ZNF487: variants seen among roughly 807,000 people sequenced by gnomAD.
ZNF487 encodes the protein KRAB domain only 1.
In ZNF487, 4 loss-of-function variants were observed where a neutral mutation model predicts 3.0. That is an observed-to-expected ratio of 1.35 (90% CI 0.66 to 3.08). ZNF487 has a LOEUF of 3.08. Among genes scored for constraint, ZNF487 ranks in the 30% most tolerant of loss-of-function variants. The probability of loss-of-function intolerance (pLI) is 0.01; values close to 1 mark genes in which losing one functional copy is unlikely to be tolerated. For synonymous variants in ZNF487, 55 were observed against 34.6 expected (o/e 1.59, Z -2.06); for missense variants, 146 against 98.7 (o/e 1.48, Z -2.03).
At chr10:43,496,140 TG>T in the ZNF487 span, 2 of 525,262 alleles carry the variant, frequency 3.8e-6, no homozygotes. Flanking sequence ...CTCATCTCAG[TG>T]GGTAAGGATT....
chr10:43,480,049 C>T (rs1185126503), intron 3 of ZNF487, among the ~76,000 whole-genome samples: 1 of 122,822 alleles, frequency 8.1e-6, no homozygotes, highest in African/African-American at 3.0e-5. Flanking sequence ...CTTTCTTTTT[C>T]TTTCTTTCTT....
the ZNF487 span, among the ~76,000 whole-genome samples, chr10:43,508,612 C>T: frequency 0.026 from 4,009 of 151,740 alleles, 75 homozygotes; most frequent in Non-Finnish European, 0.038. Context: ...AGTTTGAGAC[C>T]AGCCTGGCCA....
chr10:43,479,606 C>A (rs1029351698), intron 3 of ZNF487, among the ~76,000 whole-genome samples: 1 of 151,944 alleles, frequency 6.6e-6, no homozygotes, highest in Non-Finnish European at 1.5e-5. Flanking sequence ...CCTGGAGAAA[C>A]CTTATTTGTA....
At chr10:43,510,678 GC>G in the ZNF487 span, among the ~76,000 whole-genome samples, 1 of 152,140 alleles carries the variant, frequency 6.6e-6, no homozygotes, top group African/African-American at 2.4e-5. Context: ...CTCCTGAGTA[GC>G]TGGGATTACA....
chr10:43,447,029 CAAAA>C (rs1344533792), intron 1 of ZNF487, among the ~76,000 whole-genome samples: 2 of 147,312 alleles, frequency 1.4e-5, no homozygotes, highest in African/African-American at 5.0e-5. Flanking sequence ...CCGTCTCCAC[CAAAA>C]AAAAAACCAG....
the ZNF487 span, among the ~76,000 whole-genome samples, chr10:43,504,717 GTTGTTGTTT>G: frequency 1.2e-5 from 1 of 82,476 alleles, no homozygotes; most frequent in African/African-American, 3.2e-5. Flanking sequence ...TGTTGTTGTT[GTTGTTGTTT>G]TTTTTTTGGA....
chr10:43,481,935 T>C lies in ZNF487; in HGVS notation c.*13T>C, dbSNP rs931802598. On this transcript the variant is annotated 3_prime_UTR_variant, in exon 4 of 4. Coordinates refer to ENST00000437590, the MANE Select transcript of ZNF487 (RefSeq NM_001355444.3). ...GGAGACCCTGTGAATATAATGAACA[T>C]GTGAGAGCCTTTTCCGATAGACCAA... 1 of 635,778 alleles carries C rather than the reference T, an allele frequency of 1.6e-6. No individual in the cohort carries two copies. The highest frequency in any genetic ancestry group is 1.8e-5 in the African/African-American group (1 of 54,688). 39.4% of individuals were successfully genotyped at this position (635,778 alleles called of 1,614,324 possible). A position where few individuals can be genotyped will look rare whatever the true frequency, so the allele number is the denominator to read the frequency against.
At chr10:43,437,551 C>T (rs1323294089) in intron 1 of ZNF487, among the ~76,000 whole-genome samples, 1 of 152,068 alleles carries the variant, frequency 6.6e-6, no homozygotes, top group African/African-American at 2.4e-5. Flanking sequence ...ACCTAGGAGG[C>T]ATGAGAGGTC....
intron 1 of ZNF487, among the ~76,000 whole-genome samples, chr10:43,460,496 C>T (rs946815246): frequency 2.0e-5 from 3 of 150,810 alleles, no homozygotes; most frequent in African/African-American, 4.9e-5. Flanking sequence ...ATACCTCAGC[C>T]TCCTGAGTAG....
At chr10:43,477,887 T>C (rs1457199576) in intron 3 of ZNF487, among the ~76,000 whole-genome samples, 3 of 151,396 alleles carry the variant, frequency 2.0e-5, no homozygotes, top group Non-Finnish European at 2.9e-5. Context: ...GCAGCAGACG[T>C]TGGAGTGAGC....
At chr10:43,494,838 G>A in the ZNF487 span, among the ~76,000 whole-genome samples, 1 of 147,850 alleles carries the variant, frequency 6.8e-6, no homozygotes, top group Non-Finnish European at 1.5e-5. Context: ...TCAGGAGGCT[G>A]AGGCAGGAGA....
At chr10:43,465,333 C>T (rs1174267811) in intron 1 of ZNF487, among the ~76,000 whole-genome samples, 3 of 151,248 alleles carry the variant, frequency 2.0e-5, no homozygotes, top group South Asian at 2.1e-4. Flanking sequence ...CGGGCGGAGA[C>T]GCTCCTCACT....
chr10:43,437,878 CAG>C (rs749627582), intron 1 of ZNF487, among the ~76,000 whole-genome samples: 12 of 151,632 alleles, frequency 7.9e-5, no homozygotes, highest in South Asian at 2.1e-4. Context: ...TAAATAGAAA[CAG>C]GGGTATCACT....
intron 1 of ZNF487, among the ~76,000 whole-genome samples, chr10:43,468,785 C>T (rs1369744031): frequency 6.7e-6 from 1 of 149,672 alleles, no homozygotes; most frequent in Admixed American, 6.7e-5. Flanking sequence ...GTCAGGAGAT[C>T]GAGACCATCT....
At chr10:43,438,374 CAG>C (rs1839460025) in intron 1 of ZNF487, among the ~76,000 whole-genome samples, 1 of 152,066 alleles carries the variant, frequency 6.6e-6, no homozygotes, top group Non-Finnish European at 1.5e-5. Flanking sequence ...TTAGTAGAGA[CAG>C]GGTTTTGCCT....
chr10:43,475,514 G>GA (rs200234682), intron 1 of ZNF487, among the ~76,000 whole-genome samples: 317 of 134,874 alleles, frequency 2.4e-3, no homozygotes, highest in South Asian at 9.5e-3. Flanking sequence ...GACCCCGTCT[G>GA]AAAAAAAAAA....
intron 1 of ZNF487, among the ~76,000 whole-genome samples, chr10:43,448,150 C>G (rs377585916): frequency 5.9e-5 from 9 of 151,708 alleles, no homozygotes; most frequent in African/African-American, 2.2e-4. Flanking sequence ...CCATCATGCC[C>G]GGCTAATTTT....
chr10:43,498,075 T>TTTTATATATATA, the ZNF487 span, among the ~76,000 whole-genome samples: 2 of 35,018 alleles, frequency 5.7e-5, no homozygotes, highest in African/African-American at 3.1e-4. Flanking sequence ...ATTTGGTATT[T>TTTTATATATATA]TATATATATA....
downstream of ZNF487, among the ~76,000 whole-genome samples, chr10:43,487,429 G>A (rs546564327): frequency 1.7e-3 from 251 of 150,610 alleles, no homozygotes; most frequent in Non-Finnish European, 2.6e-3. Flanking sequence ...GTGAGCCACC[G>A]TGCCCGGCCC....
Sources: gnomAD v4.1 joint callset for allele counts (sites outside exome capture counted in the v4.1 genomes callset) on GRCh38, gnomAD v4.1.1 for gene constraint, MANE v1.5 for transcripts, NCBI Gene and HGNC (gene_info 2026-07-23, HGNC 2026-07-21) for gene names.